The following DLGAP2 variants were observed in gnomAD, a reference collection of about 807,000 sequenced individuals.
DLGAP2 encodes the protein disks large-associated protein 2.
DLGAP2 carries 26 observed loss-of-function variants against 100.3 expected under a neutral mutation model. That is an observed-to-expected ratio of 0.26 (90% CI 0.19 to 0.36). DLGAP2 has a LOEUF of 0.36. Among genes scored for constraint, DLGAP2 ranks in the 10% least tolerant of loss-of-function variants. The pLI is 1.00. For synonymous variants in DLGAP2, 886 were observed against 630.1 expected (o/e 1.41, Z -6.08); for missense variants, 1,858 against 1,453.2 (o/e 1.28, Z -4.53).
At chr8:1,439,128 T>C (rs1797747997) in intron 3 of DLGAP2, among the ~76,000 whole-genome samples, 1 of 151,998 alleles carries the variant, frequency 6.6e-6, no homozygotes, top group Non-Finnish European at 1.5e-5. Context: ...TCCCTAATGA[T>C]TTATGGAGCC....
chr8:1,055,596 C>T (rs187451698), intron 2 of DLGAP2, among the ~76,000 whole-genome samples: 10 of 152,278 alleles, frequency 6.6e-5, no homozygotes, highest in East Asian at 5.8e-4. Flanking sequence ...AAGCCAAGGA[C>T]GCTCGTCTTC....
chr8:954,120 C>G (rs1799544086), intron 2 of DLGAP2, among the ~76,000 whole-genome samples: 3 of 151,478 alleles, frequency 2.0e-5, no homozygotes, highest in Non-Finnish European at 4.4e-5. Flanking sequence ...GTCAGTGGCT[C>G]CCAGGAAAAG....
chr8:1,064,418 T>G (rs1366594371), intron 2 of DLGAP2, among the ~76,000 whole-genome samples: 2 of 152,198 alleles, frequency 1.3e-5, no homozygotes, highest in African/African-American at 2.4e-5. Flanking sequence ...TGTTGTATAT[T>G]TGATGGATAT....
chr8:1,090,245 C>T (rs191201607), intron 2 of DLGAP2, among the ~76,000 whole-genome samples: 6,932 of 137,728 alleles, frequency 0.05, 456 homozygotes, highest in East Asian at 0.08. Context: ...TGGAAACTCA[C>T]ACCCCGAGGA....
intron 2 of DLGAP2, among the ~76,000 whole-genome samples, chr8:910,128 C>T (rs1391805137): frequency 3.3e-5 from 5 of 152,202 alleles, no homozygotes; most frequent in Non-Finnish European, 5.9e-5. Context: ...GAGAATGTAG[C>T]GAATGCTCCA....
intron 3 of DLGAP2, among the ~76,000 whole-genome samples, chr8:1,480,175 C>T (rs564428605): frequency 1.3e-5 from 2 of 152,320 alleles, no homozygotes; most frequent in East Asian, 3.9e-4. Flanking sequence ...CGAACATCCC[C>T]CCTCCGCCTG....
At chr8:1,249,494 T>A (rs1002988439) in intron 2 of DLGAP2, among the ~76,000 whole-genome samples, 2 of 152,232 alleles carry the variant, frequency 1.3e-5, no homozygotes, top group Admixed American at 1.3e-4. Context: ...GGAAAGAGAT[T>A]GCACTGAACA....
chr8:1,685,993 C>G (rs1012290512), intron 12 of DLGAP2, among the ~76,000 whole-genome samples: 1 of 152,144 alleles, frequency 6.6e-6, no homozygotes, highest in African/African-American at 2.4e-5. Flanking sequence ...ATGAAGTAGC[C>G]ACTATGGAAA....
chr8:1,336,899 GC>G (rs1801287346), intron 3 of DLGAP2, among the ~76,000 whole-genome samples: 1 of 152,166 alleles, frequency 6.6e-6, no homozygotes, highest in South Asian at 2.1e-4. Flanking sequence ...AGAAAAACAT[GC>G]TTTTCACTAG....
intron 3 of DLGAP2, among the ~76,000 whole-genome samples, chr8:1,390,711 G>T (rs1012676405): frequency 6.6e-6 from 1 of 152,162 alleles, no homozygotes; most frequent in Non-Finnish European, 1.5e-5. Flanking sequence ...GGTGAGGGAG[G>T]ATCTTTTCAT....
intron 2 of DLGAP2, among the ~76,000 whole-genome samples, chr8:918,300 C>G (rs1324474414): frequency 2.0e-5 from 3 of 152,196 alleles, no homozygotes; most frequent in Non-Finnish European, 4.4e-5. Flanking sequence ...TATTTGGTTT[C>G]AGCCAGTCAA....
chr8:1,279,011 C>T (rs1311043386), intron 3 of DLGAP2, among the ~76,000 whole-genome samples: 1 of 152,132 alleles, frequency 6.6e-6, no homozygotes, highest in Non-Finnish European at 1.5e-5. Context: ...ATATAAAGAA[C>T]ATATAGTAAT....
At chr8:1,691,051 G>T (rs1799247363) in intron 12 of DLGAP2, among the ~76,000 whole-genome samples, 1 of 152,150 alleles carries the variant, frequency 6.6e-6, no homozygotes, top group African/African-American at 2.4e-5. Context: ...CAGTTCATTA[G>T]AAATTATTTA....
intron 4 of DLGAP2, among the ~76,000 whole-genome samples, chr8:1,512,296 T>G (rs987176378): frequency 3.3e-5 from 5 of 152,164 alleles, no homozygotes; most frequent in African/African-American, 1.2e-4. Flanking sequence ...CCCATGAATG[T>G]TATTACACTT....
chr8:1,071,959 T>C (rs1803443789), intron 2 of DLGAP2, among the ~76,000 whole-genome samples: 1 of 152,340 alleles, frequency 6.6e-6, no homozygotes, highest in African/African-American at 2.4e-5. Context: ...CCGTGCTGGC[T>C]GTACGTGGTT....
At chr8:1,170,052 G>A (rs535657475) in intron 2 of DLGAP2, among the ~76,000 whole-genome samples, 4 of 152,032 alleles carry the variant, frequency 2.6e-5, no homozygotes, top group South Asian at 2.1e-4. Context: ...TTTGAGATAC[G>A]TCCCATCAAT....
intron 12 of DLGAP2, chr8:1,680,486 T>G (rs1189554397): frequency 6.6e-6 from 1 of 152,238 alleles, no homozygotes; most frequent in African/African-American, 2.4e-5. Flanking sequence ...TTGCCTTTAA[T>G]TGACTAAGCC....
chr8:1,263,230 A>G (rs1470902525), intron 3 of DLGAP2, among the ~76,000 whole-genome samples: 1 of 152,148 alleles, frequency 6.6e-6, no homozygotes, highest in East Asian at 1.9e-4. Flanking sequence ...TATATATTGG[A>G]TTATTTGGGT....
chr8:1,508,593 C>T (rs2130361122), intron 4 of DLGAP2, among the ~76,000 whole-genome samples: 1 of 141,078 alleles, frequency 7.1e-6, no homozygotes, highest in East Asian at 2.2e-4. Flanking sequence ...ACAGCAATTG[C>T]TGGTGTTTTC....
Sources: allele counts gnomAD v4.1 joint callset (sites outside exome capture counted in the v4.1 genomes callset), GRCh38; gene constraint gnomAD v4.1.1; transcripts MANE v1.5; gene names NCBI Gene and HGNC (gene_info 2026-07-23, HGNC 2026-07-21).